NLGN1: variants seen among roughly 807,000 people sequenced by gnomAD.
NLGN1 encodes the protein neuroligin-1.
A neutral mutation model predicts 65.5 loss-of-function variants in NLGN1; 12 were observed. That is an observed-to-expected ratio of 0.18 (90% confidence interval 0.12 to 0.30). NLGN1 has a LOEUF of 0.30. Among genes scored for constraint, NLGN1 ranks in the 10% least tolerant of loss-of-function variants. The pLI is 1.00. For synonymous variants in NLGN1, 350 were observed against 359.5 expected, an observed-to-expected ratio of 0.97 and a Z score of 0.30; for missense variants, 750 against 1,007.1, an observed-to-expected ratio of 0.74 and a Z score of 3.46.
intron 3 of NLGN1, among the ~76,000 whole-genome samples, chr3:173,738,132 A>G (rs996881757): frequency 2.4e-4 from 37 of 152,082 alleles, no homozygotes; most frequent in African/African-American, 8.7e-4. Flanking sequence ...AGAAAACTTT[A>G]TGTATTCTAG....
At chr3:173,491,955 C>T (rs1417112288) in intron 2 of NLGN1, among the ~76,000 whole-genome samples, 3 of 151,710 alleles carry the variant, frequency 2.0e-5, no homozygotes, top group Non-Finnish European at 4.4e-5. Context: ...ATGTGACCCA[C>T]CTGTGATCCT....
chr3:173,446,515 G>A lies in NLGN1; in HGVS notation c.-321+11437G>A, dbSNP rs569854195. 7.5e-4 allele frequency among the ~76,000 whole-genome samples: 114 copies of A among 152,194 alleles called. 1 individual carries two copies. The highest frequency in any genetic ancestry group is 2.5e-3 in the African/African-American group (104 of 41,530). On this transcript the variant is annotated intron_variant, in intron 2 of 6. Coordinates refer to ENST00000457714, the Ensembl canonical transcript of NLGN1. The stretch of plus-strand genomic sequence containing the variant: ...AGTCTTTGCTATTGTGAATAGTGCC[G>A]CAATAAACATACGTGTGCATGTGTC...
At chr3:173,571,880 T>C (rs187794877) in intron 2 of NLGN1, among the ~76,000 whole-genome samples, 11 of 152,318 alleles carry the variant, frequency 7.2e-5, no homozygotes, top group Middle Eastern at 3.4e-3. Context: ...GGTTAAAAGA[T>C]CTTCCTTTAT....
chr3:173,604,659 G>A (rs758915661), exon 3 of NLGN1: 2 of 1,613,700 alleles, frequency 1.2e-6, no homozygotes, highest in Non-Finnish European at 1.7e-6. Context: ...GGCATGCTTG[G>A]TACACCGGGG....
At chr3:174,286,506 T>TAAA (rs1752133243) in exon 7 of NLGN1, 1 of 151,588 alleles carries the variant, frequency 6.6e-6, no homozygotes, top group Non-Finnish European at 1.5e-5. Context: ...TCATATCATT[T>TAAA]AGCAAATTAA....
At chr3:173,862,705 T>C (rs1336721742) in intron 4 of NLGN1, among the ~76,000 whole-genome samples, 2 of 152,108 alleles carry the variant, frequency 1.3e-5, no homozygotes, top group Non-Finnish European at 2.9e-5. Context: ...TTCTTTGTAT[T>C]GTTTATATAA....
At chr3:173,610,290 A>G (rs1441311006) in intron 3 of NLGN1, among the ~76,000 whole-genome samples, 2 of 152,006 alleles carry the variant, frequency 1.3e-5, no homozygotes, top group South Asian at 2.1e-4. Context: ...ATTAAGATGG[A>G]AAGGAAGAAG....
intron 3 of NLGN1, among the ~76,000 whole-genome samples, chr3:173,663,278 TGTTTAA>T (rs1185897539): frequency 6.6e-6 from 1 of 152,032 alleles, no homozygotes; most frequent in Admixed American, 6.6e-5. Flanking sequence ...AAGGAAAAGC[TGTTTAA>T]GACAGACACA....
At chr3:173,515,201 T>A (rs1156928471) in intron 2 of NLGN1, among the ~76,000 whole-genome samples, 1 of 152,114 alleles carries the variant, frequency 6.6e-6, no homozygotes, top group Admixed American at 6.6e-5. Flanking sequence ...TCCTAACAGG[T>A]GCGACATGAT....
intron 4 of NLGN1, among the ~76,000 whole-genome samples, chr3:173,810,453 G>A (rs1196203600): frequency 6.6e-6 from 1 of 152,096 alleles, no homozygotes; most frequent in Non-Finnish European, 1.5e-5. Context: ...GTTTTCACTG[G>A]GGTATTTTGG....
intron 3 of NLGN1, among the ~76,000 whole-genome samples, chr3:173,664,017 T>G (rs569396357): frequency 7.2e-5 from 11 of 152,186 alleles, no homozygotes; most frequent in African/African-American, 2.4e-4. Flanking sequence ...GCATGAGGTA[T>G]GCTGTCATTA....
intron 3 of NLGN1, among the ~76,000 whole-genome samples, chr3:173,717,008 G>C (rs1211860768): frequency 6.6e-6 from 1 of 152,130 alleles, no homozygotes; most frequent in East Asian, 1.9e-4. Flanking sequence ...CTCTCCAGCA[G>C]TCATTACAAG....
At chr3:173,764,366 C>T (rs918811300) in intron 3 of NLGN1, among the ~76,000 whole-genome samples, 3 of 152,096 alleles carry the variant, frequency 2.0e-5, no homozygotes, top group Non-Finnish European at 4.4e-5. Flanking sequence ...GACAGACTAA[C>T]GCTATGTTCA....
rs146918028 is a variant in NLGN1, at chr3:173,684,010, A to G, written c.493+78919A>G. On this transcript the variant is annotated intron_variant, in intron 3 of 6. Coordinates refer to ENST00000457714, the Ensembl canonical transcript of NLGN1. ...ATATCATTATATGATTATGATTTAC[A>G]TAGTAAACAATTTACACAGTAAACT... Among the ~76,000 whole-genome samples the G allele has an allele frequency of 5.1e-3, 776 of 152,320 alleles. 5 individuals carry two copies. Among genetic ancestry groups the G allele is most frequent in the South Asian group, 0.014 (70 of 4,828 alleles).
intron 2 of NLGN1, among the ~76,000 whole-genome samples, chr3:173,476,060 T>G (rs1207584646): frequency 2.0e-5 from 3 of 152,262 alleles, no homozygotes; most frequent in Middle Eastern, 3.4e-3. Context: ...TATTGATTAT[T>G]TAAGAGTAGA....
chr3:173,954,608 T>G (rs1008943505), intron 4 of NLGN1, among the ~76,000 whole-genome samples: 4 of 152,040 alleles, frequency 2.6e-5, no homozygotes, highest in African/African-American at 4.8e-5. Flanking sequence ...TTCTTGCATA[T>G]TCTTTCAGTA....
At chr3:173,635,421 G>A (rs917892956) in intron 3 of NLGN1, among the ~76,000 whole-genome samples, 7 of 152,062 alleles carry the variant, frequency 4.6e-5, no homozygotes, top group Admixed American at 2.0e-4. Flanking sequence ...CAGTTGAGCC[G>A]TATCTCTATT....
chr3:174,265,357 G>A (rs1025454875), intron 4 of NLGN1, among the ~76,000 whole-genome samples: 6 of 152,164 alleles, frequency 3.9e-5, no homozygotes, highest in Admixed American at 2.0e-4. Flanking sequence ...GACCCTCCGA[G>A]CCAGGTGCGG....
intron 4 of NLGN1, among the ~76,000 whole-genome samples, chr3:173,928,991 G>A (rs186795180): frequency 3.3e-5 from 5 of 151,962 alleles, no homozygotes; most frequent in African/African-American, 9.6e-5. Context: ...ATTTTTGAGA[G>A]GATGAAAATT....
Sources: allele counts gnomAD v4.1 joint callset (sites outside exome capture counted in the v4.1 genomes callset), GRCh38; gene constraint gnomAD v4.1.1; transcripts MANE v1.5; gene names NCBI Gene and HGNC (gene_info 2026-07-23, HGNC 2026-07-21).